Variants in CCNL2 observed in about 807,000 individuals in gnomAD.
CCNL2 encodes cyclin-L2.
CCNL2 carries 28 observed loss-of-function variants against 59.1 expected under a neutral mutation model. That is an observed-to-expected ratio of 0.47 (90% CI 0.35 to 0.65). CCNL2 has a LOEUF of 0.65. Among genes scored for constraint, CCNL2 ranks in the 30% least tolerant of loss-of-function variants. CCNL2 has a pLI of 0.00. For missense variants in CCNL2, 714 were observed against 717.4 expected, an observed-to-expected ratio of 1.00 and a Z score of 0.05; for synonymous variants, 342 against 288.6, an observed-to-expected ratio of 1.19 and a Z score of -1.88.
intron 5 of CCNL2, chr1:1,393,004 G>C: frequency 1.6e-6 from 1 of 632,644 alleles, no homozygotes; most frequent in Non-Finnish European, 2.8e-6. Flanking sequence ...TGCTAAAATC[G>C]GCCCCAGAAC....
At position 1,399,013 on chromosome 1, in the gene CCNL2, C is replaced by T; in HGVS notation, c.288+6G>A. On this transcript the variant is annotated splice_donor_region_variant and intron_variant, in intron 1 of 10. Coordinates refer to ENST00000400809, the MANE Select transcript of CCNL2 (RefSeq NM_030937.6). ...CTGGGCCGGAGGCTCGCGGCCGCGC[C>T]CTCACCTGCGGCAGGCGGAGCAGGA... 2 of 1,592,558 alleles carry T rather than the reference C, an allele frequency of 1.3e-6. No individual in the cohort carries two copies. The highest frequency in any genetic ancestry group is 2.2e-5 in the South Asian group (2 of 89,216).
rs139345631 is a variant in CCNL2, at chr1:1,387,356, G to A, written c.1438C>T (p.Pro480Ser). The A allele has an allele frequency of 8.0e-4, 1,293 of 1,614,170 alleles. 28 individuals carry two copies. In the East Asian group the frequency reaches 0.028, roughly 34 times the overall value. ...RSRSRERADN[P>S]GKYKKKSHYY... Reference sequence around the variant, plus strand: ...TGACTTTTCTTCTTGTATTTTCCCGGATTATCCGCCCGCTCCCGTGACCTG... The same window carrying A: ...TGACTTTTCTTCTTGTATTTTCCCGAATTATCCGCCCGCTCCCGTGACCTG... The change falls in exon 11 of 11, where the codon CCG (proline) becomes TCG (serine). Residue 480 changes from proline to serine, a missense_variant. Coordinates refer to ENST00000400809, the MANE Select transcript of CCNL2 (RefSeq NM_030937.6).
intron 4 of CCNL2, 28 bp downstream of exon 4, chr1:1,395,366 G>A: frequency 6.2e-7 from 1 of 1,612,660 alleles, no homozygotes; most frequent in Non-Finnish European, 8.5e-7. Context: ...GCCTAGGCGG[G>A]CTCGCAGGGC....
chr1:1,387,964 G>T lies in CCNL2; in HGVS notation c.1108C>A (p.Pro370Thr). The part of the protein sequence containing the change: ...EGAKKAKADS[P>T]VNGLPKGRES... ...GCCCTGGGGTCCTACCCGTTCACGGGGCTGTCCGCCTTGGCTTTCTTGGCG... is the reference window on the plus strand; with the variant it reads ...GCCCTGGGGTCCTACCCGTTCACGGTGCTGTCCGCCTTGGCTTTCTTGGCG... The change falls in exon 9 of 11, where the codon CCC becomes ACC. Residue 370 changes from proline to threonine, a missense_variant. Pro to Thr is a conservative substitution (Grantham distance 38, BLOSUM62 -1). Around this residue, in one of 5 missense-constraint regions of CCNL2, gnomAD observed 403 missense variants for 377.7 expected, o/e 1.07. Coordinates refer to ENST00000400809, the MANE Select transcript of CCNL2 (RefSeq NM_030937.6). The T allele has an allele frequency of 6.2e-7, 1 of 1,614,000 alleles. No individual in the cohort carries two copies. The highest frequency in any genetic ancestry group is 8.5e-7 in the Non-Finnish European group (1 of 1,180,004).
Position 1,397,962 on chromosome 1 carries a change from G to C in CCNL2, c.473+271C>G, listed in dbSNP as rs191547752. On this transcript the variant is annotated intron_variant, in intron 3 of 10. Coordinates refer to ENST00000400809, the MANE Select transcript of CCNL2 (RefSeq NM_030937.6). ...AACTTGTGGGACAGAAGCAGCAGCA[G>C]GGCCGTGCACTGACATGGGTAAAGC... Among the ~76,000 whole-genome samples, 69 of 152,294 alleles carry C rather than the reference G, an allele frequency of 4.5e-4. 1 individual carries two copies. In the East Asian group the frequency reaches 0.012, roughly 26 times the overall value.
chr1:1,399,186 G>C lies in CCNL2; in HGVS notation c.121C>G (p.Leu41Val), dbSNP rs765606786. The C allele has an allele frequency of 7.5e-6, 12 of 1,610,164 alleles. No individual in the cohort carries two copies. The highest frequency in any genetic ancestry group is 8.5e-6 in the Non-Finnish European group (10 of 1,178,826). ...AAGGTGATGAGCACCCCGGAGTACA[G>C]CCTGTCCCCGATCAGCACCCCCTGC... ...GSQGVLIGDR[L>V]YSGVLITLEN... is the part of the protein sequence containing the mutation. The change falls in exon 1 of 11, where the codon CTG becomes GTG. Residue 41 changes from leucine (L) to valine (V), a missense_variant. By Grantham distance (32) the Leu-to-Val change is conservative. This residue lies in a region of CCNL2 where 270 missense variants were observed against 254.9 expected (regional missense o/e 1.06). Transcript: ENST00000400809.
At position 1,399,257 on chromosome 1, in the gene CCNL2, G is replaced by C; in HGVS notation, c.50C>G (p.Ala17Gly). The C allele has an allele frequency of 6.3e-7, 1 of 1,580,066 alleles. No homozygotes were observed. Among genetic ancestry groups the C allele is most frequent in the African/African-American group, 1.4e-5 (1 of 71,512 alleles). ...AAGAAGSAAP[A>G]AAAGAPGSGG... ...AGATCCCGGGGCGCCGGCCGCTGCC[G>C]CGGGAGCTGCCGACCCTGCAGCACC... Residue 17 changes from alanine (A) to glycine (G), a missense_variant, in exon 1 of 11, where the codon GCG becomes GGG. Transcript: ENST00000400809.
chr1:1,392,970 A>G, intron 5 of CCNL2: 1 of 707,594 alleles, frequency 1.4e-6, no homozygotes, highest in South Asian at 1.8e-5. Flanking sequence ...ATTGCACTTT[A>G]GGGTTCCTTT....
intron 5 of CCNL2, chr1:1,392,916 TG>T: frequency 1.9e-6 from 2 of 1,077,604 alleles, no homozygotes; most frequent in South Asian, 1.4e-5. Flanking sequence ...CTTAACTCCA[TG>T]GGAAAAAATT....
At chr1:1,388,654 C>T (rs1463940796) in intron 8 of CCNL2, 3 of 422,338 alleles carry the variant, frequency 7.1e-6, no homozygotes, top group South Asian at 5.1e-5. Flanking sequence ...GCCTGCAATC[C>T]CAGCTACTTG....
chr1:1,398,551 C>T (rs1169044837), intron 2 of CCNL2, 46 bp downstream of exon 2: 2 of 1,598,410 alleles, frequency 1.3e-6, no homozygotes, highest in Non-Finnish European at 1.7e-6. Context: ...AACCGTTTTA[C>T]CCTCAACATA....
chr1:1,387,856 G>A lies in CCNL2; in HGVS notation c.1132C>T (p.Arg378Ter). 3 of 1,613,702 alleles carry A rather than the reference G, an allele frequency of 1.9e-6. No homozygotes were observed. The highest frequency in any genetic ancestry group is 2.5e-6 in the Non-Finnish European group (3 of 1,179,970). ...CTCCGGCTCCGACTCCGACTCTCTC[G>A]CCCCTTTGGCAAGCTGTGAACAGGA... is the stretch of plus-strand genomic sequence containing the variant. ...DSPVNGLPKG[R>*]ESRSRSRSRE... The change falls in exon 10 of 11, where the codon CGA becomes TGA. Residue 378 changes from arginine to a stop codon, truncating the protein, a stop_gained. Coordinates refer to ENST00000400809, the MANE Select transcript of CCNL2 (RefSeq NM_030937.6). LOFTEE classifies it high-confidence loss of function.
chr1:1,387,143 G>C lies in CCNL2; in HGVS notation c.*88C>G. 1 of 1,089,224 alleles carries C rather than the reference G, an allele frequency of 9.2e-7. No homozygotes were observed. 67.5% of individuals were successfully genotyped at this position (1,089,224 alleles called of 1,614,324 possible). On this transcript the variant is annotated 3_prime_UTR_variant, in exon 11 of 11. Transcript: ENST00000400809. ...ACTTGCGCTGAGAGCACACCCGGGG[G>C]TCAAAGGGCAGCCACCGGGGGTCAA...
chr1:1,390,977 T>C (rs1047550781), intron 5 of CCNL2, 112 bp from the exon 6 acceptor site: 11 of 962,200 alleles, frequency 1.1e-5, no homozygotes, highest in Non-Finnish European at 1.6e-5. Context: ...AAGGAGTCTA[T>C]TGCTAGGACT....
chr1:1,391,694 A>C, intron 5 of CCNL2: 1 of 572,594 alleles, frequency 1.7e-6, no homozygotes, highest in Non-Finnish European at 2.7e-6. Flanking sequence ...TCATATTTAG[A>C]AGCTATAAAC....
intron 3 of CCNL2, among the ~76,000 whole-genome samples, chr1:1,396,188 CAG>C (rs1491438002): frequency 1.2e-5 from 1 of 86,392 alleles, no homozygotes; most frequent in Non-Finnish European, 2.1e-5. Flanking sequence ...GAGTCCGTCT[CAG>C]AAAAAAAAAA....
chr1:1,394,731 C>G (rs2100327434), intron 4 of CCNL2, among the ~76,000 whole-genome samples: 1 of 122,028 alleles, frequency 8.2e-6, no homozygotes, highest in East Asian at 2.5e-4. Context: ...GCCTGCATGA[C>G]AGAGTAAGAC....
chr1:1,394,220 C>A (rs1402660587), intron 4 of CCNL2, among the ~76,000 whole-genome samples: 1 of 151,700 alleles, frequency 6.6e-6, no homozygotes, highest in African/African-American at 2.4e-5. Flanking sequence ...AGGAAACCCA[C>A]CAATAAAAAG....
intron 3 of CCNL2, among the ~76,000 whole-genome samples, chr1:1,398,007 G>A (rs1045976862): frequency 6.6e-6 from 1 of 152,172 alleles, no homozygotes; most frequent in Non-Finnish European, 1.5e-5. Flanking sequence ...GCCCCAGCGC[G>A]ACCCGCCACA....
Sources: allele counts gnomAD v4.1 joint callset (sites outside exome capture counted in the v4.1 genomes callset), GRCh38; gene constraint gnomAD v4.1.1; regional missense constraint gnomAD v4.1.1; transcripts MANE v1.5; gene names NCBI Gene and HGNC (gene_info 2026-07-23, HGNC 2026-07-21).